The following PTP4A1 variants were observed in gnomAD, a reference collection of about 807,000 sequenced individuals.
PTP4A1 encodes protein tyrosine phosphatase type IVA 1.
A neutral mutation model predicts 20.5 loss-of-function variants in PTP4A1; 9 were observed. The observed-to-expected ratio is 0.44, with a 90% CI of 0.26 to 0.77. The LOEUF is 0.77. Ranked by LOEUF, PTP4A1 falls within the 30% of genes least tolerant of loss-of-function variation. The pLI, the probability that PTP4A1 is intolerant of heterozygous loss-of-function variation, is 0.19. For synonymous variants in PTP4A1, 78 were observed against 67.4 expected (o/e 1.16, Z -0.77); for missense variants, 137 against 218.8 (o/e 0.63, Z 2.36).
chr6:63,557,843 AAG>A (rs1561908291), intron 3 of PTP4A1, among the ~76,000 whole-genome samples: 1 of 152,126 alleles, frequency 6.6e-6, no homozygotes, highest in Non-Finnish European at 1.5e-5. Flanking sequence ...GATTTTGAGA[AAG>A]AGGATAGCAA....
intron 3 of PTP4A1, among the ~76,000 whole-genome samples, chr6:63,555,808 C>T (rs1200060690): frequency 1.3e-5 from 2 of 151,884 alleles, no homozygotes; most frequent in African/African-American, 4.8e-5. Flanking sequence ...ATTCTCCTGC[C>T]TCAGTCTCCC....
chr6:63,576,928 C>T lies in PTP4A1; in HGVS notation c.48C>T (p.Asn16=). The change falls in exon 2 of 6, where the codon AAC becomes AAT. Residue 16 remains asparagine, a synonymous_variant. Transcript: ENST00000626021. ...CTCCTGTGGAAGTCACATACAAGAA[C>T]ATGAGATTTCTTATTACACACAATC... ...RPAPVEVTYK[N]MRFLITHNPT... 1 of 1,613,976 alleles carries T rather than the reference C, an allele frequency of 6.2e-7. No homozygotes were observed. The highest frequency in any genetic ancestry group is 8.5e-7 in the Non-Finnish European group (1 of 1,179,984).
chr6:63,523,259 A>G (rs958909210), intron 1 of PTP4A1, among the ~76,000 whole-genome samples: 1 of 152,132 alleles, frequency 6.6e-6, no homozygotes, highest in African/African-American at 2.4e-5. Flanking sequence ...ACTATTATGT[A>G]CTTTCTCAGG....
At chr6:63,570,261 G>A (rs1322253725), upstream of PTP4A1, among the ~76,000 whole-genome samples, 3 of 152,192 alleles carry the variant, frequency 2.0e-5, no homozygotes, top group Non-Finnish European at 4.4e-5. Flanking sequence ...AACCCAGGAG[G>A]CTGAGGTTGC....
intron 2 of PTP4A1, among the ~76,000 whole-genome samples, chr6:63,545,928 C>A (rs921680701): frequency 6.6e-6 from 1 of 152,106 alleles, no homozygotes; most frequent in Non-Finnish European, 1.5e-5. Flanking sequence ...TATATTTACT[C>A]ATTTGCTTAA....
chr6:63,553,483 G>T (rs1172119731), intron 3 of PTP4A1, among the ~76,000 whole-genome samples: 1 of 152,146 alleles, frequency 6.6e-6, no homozygotes, highest in Admixed American at 6.5e-5. Flanking sequence ...AGTTCTTCTT[G>T]GCCAAGACAG....
chr6:63,553,917 C>T (rs145644897), intron 3 of PTP4A1, among the ~76,000 whole-genome samples: 16 of 152,054 alleles, frequency 1.1e-4, no homozygotes, highest in East Asian at 9.7e-4. Flanking sequence ...ACAGAAAATA[C>T]GAAAGAAAAA....
chr6:63,540,764 G>A (rs932998726), intron 2 of PTP4A1, among the ~76,000 whole-genome samples: 6 of 151,828 alleles, frequency 4.0e-5, no homozygotes, highest in African/African-American at 1.2e-4. Context: ...TGAGGGTGGC[G>A]GGGAGACGTA....
intron 1 of PTP4A1, among the ~76,000 whole-genome samples, chr6:63,572,957 G>A (rs1022090875): frequency 1.6e-4 from 25 of 152,250 alleles, no homozygotes; most frequent in Middle Eastern, 3.4e-3. Flanking sequence ...GCCGCCGGAG[G>A]CACCGGCTTT....
At chr6:63,542,722 A>G (rs369096514) in intron 2 of PTP4A1, among the ~76,000 whole-genome samples, 2 of 152,090 alleles carry the variant, frequency 1.3e-5, no homozygotes, top group South Asian at 2.1e-4. Flanking sequence ...TGCTTTTTTG[A>G]AATCTCCTTT....
At chr6:63,540,262 TATATAGA>T (rs60379604) in intron 2 of PTP4A1, among the ~76,000 whole-genome samples, 13,244 of 152,190 alleles carry the variant, frequency 0.087, 619 homozygotes, top group East Asian at 0.16. Flanking sequence ...AGCCCAGATG[TATATAGA>T]ATCATAGATA....
intron 2 of PTP4A1, among the ~76,000 whole-genome samples, chr6:63,530,660 C>T (rs1775413614): frequency 6.6e-6 from 1 of 152,090 alleles, no homozygotes; most frequent in East Asian, 1.9e-4. Flanking sequence ...TTGTATTAAA[C>T]TATCATAAAG....
At chr6:63,544,036 C>A (rs1313490274) in intron 2 of PTP4A1, among the ~76,000 whole-genome samples, 2 of 152,098 alleles carry the variant, frequency 1.3e-5, no homozygotes, top group Non-Finnish European at 2.9e-5. Flanking sequence ...TGTAATTCTC[C>A]GCCCCCAACC....
chr6:63,573,945 C>T (rs1418363534), intron 1 of PTP4A1, among the ~76,000 whole-genome samples: 3 of 152,124 alleles, frequency 2.0e-5, no homozygotes, highest in Non-Finnish European at 4.4e-5. Context: ...TTGTTGCCTC[C>T]TGTTGGTTTG....
chr6:63,526,466 A>G (rs1390019486), intron 1 of PTP4A1, among the ~76,000 whole-genome samples: 1 of 151,798 alleles, frequency 6.6e-6, no homozygotes, highest in African/African-American at 2.4e-5. Context: ...TTCAACAGAG[A>G]GGAAGACCAC....
chr6:63,562,579 T>C (rs995443663), intron 3 of PTP4A1, among the ~76,000 whole-genome samples: 12 of 152,254 alleles, frequency 7.9e-5, no homozygotes, highest in African/African-American at 2.9e-4. Flanking sequence ...ATTTTTTAAC[T>C]AATTTCTATC....
At chr6:63,567,806 G>A (rs1777254050), upstream of PTP4A1, among the ~76,000 whole-genome samples, 1 of 152,178 alleles carries the variant, frequency 6.6e-6, no homozygotes, top group Non-Finnish European at 1.5e-5. Context: ...GTTATTTAGT[G>A]TAGCCACCTT....
intron 1 of PTP4A1, among the ~76,000 whole-genome samples, chr6:63,525,729 G>A (rs1283598602): frequency 6.6e-6 from 1 of 152,256 alleles, no homozygotes; most frequent in South Asian, 2.1e-4. Context: ...GGTAGCAGCT[G>A]CTTTCTGCAA....
rs552657579 is a variant in PTP4A1, at chr6:63,540,842, C to CAA, written c.-639-9447_-639-9446dup. On this transcript the variant is annotated intron_variant, in intron 2 of 3. Transcript: ENST00000639568. ...TGAAACGCCATCTCTGCTGAAAATA[C>CAA]AAAAAAAAAAAATAGCCGGTCTTGG... Among the ~76,000 whole-genome samples, 24 of 132,982 alleles carry CAA rather than the reference C, an allele frequency of 1.8e-4. No homozygotes were observed. In the East Asian group the frequency reaches 3.7e-3, roughly 20 times the overall value. The allele number at this position is 132,982 out of a possible 152,430, so 87.2% of individuals were successfully genotyped here. A position where few individuals can be genotyped will look rare whatever the true frequency, so the allele number is the denominator to read the frequency against.
Sources: allele counts gnomAD v4.1 joint callset (sites outside exome capture counted in the v4.1 genomes callset), GRCh38; gene constraint gnomAD v4.1.1; transcripts MANE v1.5; gene names NCBI Gene and HGNC (gene_info 2026-07-23, HGNC 2026-07-21).